SCIN: variants seen among roughly 807,000 people sequenced by gnomAD.
SCIN encodes the protein scinderin.
Under a neutral mutation model 91.8 loss-of-function variants are expected in SCIN, and 91 were observed. The observed-to-expected ratio is 0.99, with a 90% confidence interval of 0.84 to 1.18. The LOEUF (loss-of-function observed/expected upper bound fraction) is 1.18, where lower values mean the gene tolerates loss of function less well. Ranked by LOEUF, SCIN falls within the 50% of genes most tolerant of loss-of-function variation. SCIN has a pLI of 0.00. For missense variants in SCIN, 1,087 were observed against 863.9 expected, an observed-to-expected ratio of 1.26 and a Z score of -3.24; for synonymous variants, 367 against 312.6, an observed-to-expected ratio of 1.17 and a Z score of -1.84.
intron 9 of SCIN, among the ~76,000 whole-genome samples, chr7:12,632,859 C>T (rs1783674966): frequency 6.6e-6 from 1 of 152,114 alleles, no homozygotes; most frequent in African/African-American, 2.4e-5. Context: ...TTCTTCTTTC[C>T]AATTTGAAAT....
At chr7:12,572,241 T>C (rs1040510900) in intron 1 of SCIN, among the ~76,000 whole-genome samples, 1 of 152,190 alleles carries the variant, frequency 6.6e-6, no homozygotes, top group Non-Finnish European at 1.5e-5. Context: ...CAAAAATTTG[T>C]GTTAGCTTGA....
chr7:12,641,132 A>G (rs1457075299), intron 11 of SCIN, among the ~76,000 whole-genome samples: 2 of 152,172 alleles, frequency 1.3e-5, no homozygotes, highest in East Asian at 3.9e-4. Context: ...CAGGTCTTCC[A>G]CATCACCCTT....
chr7:12,585,813 C>G (rs983321459), intron 3 of SCIN, among the ~76,000 whole-genome samples: 2 of 152,212 alleles, frequency 1.3e-5, no homozygotes, highest in African/African-American at 2.4e-5. Flanking sequence ...CTTCAAGTCA[C>G]CAGACTTTTG....
chr7:12,594,605 C>A (rs2115236504), intron 3 of SCIN, among the ~76,000 whole-genome samples: 1 of 152,152 alleles, frequency 6.6e-6, no homozygotes, highest in Middle Eastern at 3.4e-3. Context: ...TGAACGGAGG[C>A]CGAGAGCCTT....
At chr7:12,590,408 C>T (rs1172519376) in intron 3 of SCIN, among the ~76,000 whole-genome samples, 3 of 151,842 alleles carry the variant, frequency 2.0e-5, no homozygotes, top group East Asian at 3.9e-4. Flanking sequence ...GGTTATGTCT[C>T]TTAGTGAGGT....
intron 11 of SCIN, among the ~76,000 whole-genome samples, chr7:12,642,384 A>G (rs954612174): frequency 6.6e-6 from 1 of 152,058 alleles, no homozygotes; most frequent in African/African-American, 2.4e-5. Context: ...TTCACTTTGA[A>G]CTACAAAGAT....
At chr7:12,606,830 G>GGGAT (rs1783089283) in intron 4 of SCIN, among the ~76,000 whole-genome samples, 1 of 152,100 alleles carries the variant, frequency 6.6e-6, no homozygotes, top group South Asian at 2.1e-4. Context: ...AATTAGGGAT[G>GGGAT]GTTTTACTGG....
intron 4 of SCIN, among the ~76,000 whole-genome samples, chr7:12,608,305 C>G (rs963742977): frequency 2.6e-4 from 33 of 128,768 alleles, no homozygotes; most frequent in African/African-American, 8.8e-4. Context: ...CCAGTCTATA[C>G]TATGCATGCA....
intron 10 of SCIN, among the ~76,000 whole-genome samples, chr7:12,637,742 A>T (rs993168233): frequency 6.6e-6 from 1 of 152,198 alleles, no homozygotes; most frequent in African/African-American, 2.4e-5. Flanking sequence ...ATAAAAAATT[A>T]CTTGTCGAGA....
intron 7 of SCIN, 168 bp from the exon 8 acceptor site, chr7:12,626,416 C>T: frequency 1.7e-6 from 1 of 577,694 alleles, no homozygotes; most frequent in South Asian, 2.4e-5. Context: ...TATTCAAATT[C>T]AGCGGCAATT....
intron 9 of SCIN, among the ~76,000 whole-genome samples, chr7:12,630,700 T>G (rs928522204): frequency 1.3e-5 from 2 of 152,236 alleles, no homozygotes; most frequent in African/African-American, 4.8e-5. Flanking sequence ...TTCCTTGTAT[T>G]TTTTATTTCT....
Position 12,599,558 on chromosome 7 carries a change from A to G in SCIN, c.517-4956A>G, listed in dbSNP as rs552818763. ...CCTATTAGTGGGTTTGCTGGATCAA[A>G]CAGTAGATCTACTTTTAGTTCATTA... On this transcript the variant is annotated intron_variant, in intron 3 of 15. Coordinates refer to ENST00000297029, the MANE Select transcript of SCIN (RefSeq NM_001112706.3). 2.2e-4 allele frequency among the ~76,000 whole-genome samples: 33 copies of G among 152,330 alleles called. No homozygotes were observed. The South Asian group carries it at 6.8e-3, about 32-fold the overall frequency.
chr7:12,621,733 A>G (rs1379287455), intron 4 of SCIN, among the ~76,000 whole-genome samples: 1 of 141,770 alleles, frequency 7.1e-6, no homozygotes, highest in East Asian at 2.2e-4. Flanking sequence ...AAAACATTTT[A>G]TTGATCACAG....
intron 11 of SCIN, among the ~76,000 whole-genome samples, 183 bp downstream of exon 11, chr7:12,640,700 G>T (rs1225431797): frequency 6.6e-6 from 1 of 152,198 alleles, no homozygotes; most frequent in Non-Finnish European, 1.5e-5. Flanking sequence ...TAAAACTCCA[G>T]ATACCAGGCC....
chr7:12,624,236 C>A (rs1211670024), intron 5 of SCIN, among the ~76,000 whole-genome samples: 1 of 152,200 alleles, frequency 6.6e-6, no homozygotes, highest in Non-Finnish European at 1.5e-5. Flanking sequence ...CAAAACTCCA[C>A]TAATCTAGGG....
At position 12,598,953 on chromosome 7, in the gene SCIN, A is replaced by G. The variant is rs572228835; in HGVS notation, c.517-5561A>G. Among the ~76,000 whole-genome samples, 12 of 152,310 alleles carry G rather than the reference A, an allele frequency of 7.9e-5. No homozygotes were observed. In the East Asian group the frequency reaches 1.3e-3, roughly 17 times the overall value. On this transcript the variant is annotated intron_variant, in intron 3 of 15. Transcript: ENST00000297029. ...AGAAAAAAAAACAGTGTTTTAATTA[A>G]TAATGACTTGTCAAGCATTCTGACT... is the stretch of plus-strand genomic sequence containing the variant.
At position 12,582,908 on chromosome 7, in the gene SCIN, G is replaced by A. The variant is rs533694341; in HGVS notation, c.516+1687G>A. Among the ~76,000 whole-genome samples, 4 of 152,134 alleles carry A rather than the reference G, an allele frequency of 2.6e-5. No individual in the cohort carries two copies. The South Asian group carries it at 8.3e-4, about 32-fold the overall frequency. ...TCATCTCCACCACTTGTACTCTAAA[G>A]CCCTTTATAAGTGCTTTTGAAAATA... On this transcript the variant is annotated intron_variant, in intron 3 of 15. Transcript: ENST00000297029.
chr7:12,599,352 G>A (rs1782908660), intron 3 of SCIN, among the ~76,000 whole-genome samples: 1 of 148,400 alleles, frequency 6.7e-6, no homozygotes, highest in Non-Finnish European at 1.5e-5. Context: ...GCAAAACACT[G>A]CTTTGTATTT....
At chr7:12,638,041 G>A (rs1297655924) in intron 10 of SCIN, among the ~76,000 whole-genome samples, 1 of 152,142 alleles carries the variant, frequency 6.6e-6, no homozygotes, top group Non-Finnish European at 1.5e-5. Context: ...AAGTTCAACT[G>A]CTCCTCCTTT....
Sources: allele counts gnomAD v4.1 joint callset (sites outside exome capture counted in the v4.1 genomes callset), GRCh38; gene constraint gnomAD v4.1.1; transcripts MANE v1.5; gene names NCBI Gene and HGNC (gene_info 2026-07-23, HGNC 2026-07-21).